The following EPS15L1 variants were observed in gnomAD, a reference collection of about 807,000 sequenced individuals.
The protein encoded by EPS15L1 is epidermal growth factor receptor pathway substrate 15 like 1, also known as epidermal growth factor receptor substrate 15-like 1.
In EPS15L1, 43 loss-of-function variants were observed where a neutral mutation model predicts 117.1. The ratio of observed to expected loss-of-function variants is 0.37; its 90% CI spans 0.29 to 0.47. The LOEUF (loss-of-function observed/expected upper bound fraction) is 0.47, where lower values mean the gene tolerates loss of function less well. Among genes scored for constraint, EPS15L1 ranks in the 20% least tolerant of loss-of-function variants. EPS15L1 has a pLI of 0.99. For missense variants in EPS15L1, 981 were observed against 1,164.0 expected (o/e 0.84, Z 2.29); for synonymous variants, 459 against 470.5 (o/e 0.98, Z 0.32).
At chr19:16,449,160 G>T (rs570571595) in intron 1 of EPS15L1, among the ~76,000 whole-genome samples, 1 of 151,994 alleles carries the variant, frequency 6.6e-6, no homozygotes, top group South Asian at 2.1e-4. Context: ...TGTAGTCCCA[G>T]CTACTCAGGA....
intron 16 of EPS15L1, 135 bp downstream of exon 16, chr19:16,402,186 A>T (rs1165688024): frequency 6.8e-7 from 1 of 1,461,616 alleles, no homozygotes; most frequent in Non-Finnish European, 9.0e-7. Flanking sequence ...GCAAAGTGGC[A>T]GCAAAAACAA....
chr19:16,373,639 C>T (rs2092256014), intron 22 of EPS15L1, among the ~76,000 whole-genome samples: 1 of 152,218 alleles, frequency 6.6e-6, no homozygotes, highest in African/African-American at 2.4e-5. Flanking sequence ...AACCAGAGGC[C>T]TCCTGGGCTG....
intron 22 of EPS15L1, among the ~76,000 whole-genome samples, chr19:16,366,703 T>C (rs891880594): frequency 1.3e-5 from 2 of 152,190 alleles, no homozygotes; most frequent in African/African-American, 4.8e-5. Flanking sequence ...GAGGAGATTT[T>C]GGACCTGACA....
intron 1 of EPS15L1, 41 bp from the exon 2 acceptor site, chr19:16,442,260 ACCCCTTGGGGAAAAAAAGGGTTGC>A: frequency 6.3e-7 from 1 of 1,583,294 alleles, no homozygotes; most frequent in Non-Finnish European, 8.7e-7. Flanking sequence ...AGTGAACACA[ACCCCTTGGGGAAAAAAAGGGTTGC>A]CCCCTCAATT....
chr19:16,417,500 G>C, intron 12 of EPS15L1, 52 bp downstream of exon 12: 1 of 1,446,048 alleles, frequency 6.9e-7, no homozygotes. Context: ...TAACAACCTG[G>C]GAGAGTTCGT....
intron 22 of EPS15L1, among the ~76,000 whole-genome samples, chr19:16,376,755 G>C (rs1037748536): frequency 1.3e-5 from 2 of 152,256 alleles, no homozygotes; most frequent in African/African-American, 4.8e-5. Context: ...CCACAGGGCT[G>C]CCGGCCATGA....
At position 16,417,739 on chromosome 19, in the gene EPS15L1, G is replaced by A. The variant is rs143309058; in HGVS notation, c.1108-102C>T. 227 of 1,186,200 alleles carry A rather than the reference G, an allele frequency of 1.9e-4. No individual in the cohort carries two copies. The East Asian group carries it at 4.4e-3, about 23-fold the overall frequency. 73.5% of individuals were successfully genotyped at this position (1,186,200 alleles called of 1,614,324 possible). A position where few individuals can be genotyped will look rare whatever the true frequency, so the allele number is the denominator to read the frequency against. On this transcript the variant is annotated intron_variant, in intron 11 of 23. Coordinates refer to ENST00000455140, the MANE Select transcript of EPS15L1 (RefSeq NM_001258374.3). The stretch of plus-strand genomic sequence containing the variant: ...GCCCAGGGATAAAATTGTCCCTTTA[G>A]TACACAGGGTGAGGTAGCAAAAGTG...
chr19:16,468,121 G>C (rs2095405950), intron 1 of EPS15L1, among the ~76,000 whole-genome samples: 2 of 152,148 alleles, frequency 1.3e-5, no homozygotes, highest in South Asian at 4.1e-4. Context: ...AGGTACAAGG[G>C]AGAGAACTCT....
At chr19:16,468,724 G>A (rs984325911) in intron 1 of EPS15L1, among the ~76,000 whole-genome samples, 2 of 151,440 alleles carry the variant, frequency 1.3e-5, no homozygotes, top group African/African-American at 4.9e-5. Context: ...TTTAGAAGAT[G>A]AATCCTAGCC....
intron 1 of EPS15L1, among the ~76,000 whole-genome samples, chr19:16,464,669 G>GATTTTAT (rs2093283721): frequency 6.6e-6 from 1 of 152,058 alleles, no homozygotes; most frequent in Non-Finnish European, 1.5e-5. Flanking sequence ...CTAGACCAGG[G>GATTTTAT]GTGTCCAATC....
At position 16,371,539 on chromosome 19, in the gene EPS15L1, A is replaced by G. The variant is rs1405014215; in HGVS notation, c.2380+5583T>C. Among the ~76,000 whole-genome samples the G allele has an allele frequency of 6.6e-6, 1 of 152,206 alleles. No individual in the cohort carries two copies. Among genetic ancestry groups the G allele is most frequent in the Non-Finnish European group, 1.5e-5 (1 of 68,042 alleles). ...GCTTTGTTTAGGAGGTGAAAAGGTC[A>G]TTAGCAGTAATAAAATAATCATTAA... is the stretch of plus-strand genomic sequence containing the variant. On this transcript the variant is annotated intron_variant, in intron 22 of 23. Coordinates refer to ENST00000455140, the MANE Select transcript of EPS15L1 (RefSeq NM_001258374.3). The surrounding 1 kb of genome is among the most constrained non-coding windows in gnomAD (Gnocchi z 4.7).
rs372987523 is a variant in EPS15L1, at chr19:16,358,689, C to T, written c.2587-2838G>A. Among the ~76,000 whole-genome samples, 40 of 152,360 alleles carry T rather than the reference C, an allele frequency of 2.6e-4. No individual in the cohort carries two copies. The South Asian group carries it at 6.8e-3, about 26-fold the overall frequency. ...TGGGCGATGGGATGGCCCCGGGAGG[C>T]GCCCGGCACCTGTCCTCACTGGCGC... On this transcript the variant is annotated intron_variant, in intron 23 of 23. Transcript: ENST00000455140.
At chr19:16,427,227 A>G (rs1333947607) in intron 8 of EPS15L1, among the ~76,000 whole-genome samples, 2 of 152,200 alleles carry the variant, frequency 1.3e-5, no homozygotes, top group East Asian at 3.9e-4. Context: ...TCGAGGCTGC[A>G]GCAAGGGTGT....
intron 22 of EPS15L1, among the ~76,000 whole-genome samples, chr19:16,366,754 T>C (rs1315950612): frequency 6.6e-6 from 1 of 152,170 alleles, no homozygotes; most frequent in Non-Finnish European, 1.5e-5. Flanking sequence ...CTCTCGACCT[T>C]GCTAATGACC....
intron 9 of EPS15L1, among the ~76,000 whole-genome samples, chr19:16,424,808 GCAC>G (rs1460215485): frequency 6.6e-6 from 1 of 151,784 alleles, no homozygotes. Context: ...TTACAGGTGC[GCAC>G]CACCACACCC....
At chr19:16,460,890 G>A (rs2093242670) in intron 1 of EPS15L1, among the ~76,000 whole-genome samples, 1 of 152,216 alleles carries the variant, frequency 6.6e-6, no homozygotes, top group African/African-American at 2.4e-5. Flanking sequence ...CGCTCAGTGT[G>A]AGGGCCTCAT....
intron 16 of EPS15L1, among the ~76,000 whole-genome samples, chr19:16,396,095 C>A (rs1343627018): frequency 6.6e-6 from 1 of 151,808 alleles, no homozygotes; most frequent in Non-Finnish European, 1.5e-5. Context: ...CAGTGCAAGA[C>A]CCTGTATCTT....
At chr19:16,386,039 G>C (rs1257513400) in intron 20 of EPS15L1, 132 bp downstream of exon 20, 3 of 717,132 alleles carry the variant, frequency 4.2e-6, no homozygotes, top group African/African-American at 1.8e-5. Context: ...CTCAGGCCAG[G>C]ATCTGGGTGC....
chr19:16,382,405 G>A (rs779690003), intron 21 of EPS15L1, among the ~76,000 whole-genome samples: 2 of 152,106 alleles, frequency 1.3e-5, no homozygotes, highest in Non-Finnish European at 2.9e-5. Context: ...CTCTGGGCTC[G>A]GCAAGAGTGA....
Sources: allele counts gnomAD v4.1 joint callset (sites outside exome capture counted in the v4.1 genomes callset), GRCh38; gene constraint gnomAD v4.1.1; non-coding constraint Gnocchi (gnomAD v3.1); transcripts MANE v1.5; gene names NCBI Gene and HGNC (gene_info 2026-07-23, HGNC 2026-07-21).